The following CLDN16 variants were observed in gnomAD, a reference collection of about 807,000 sequenced individuals.
CLDN16 encodes claudin-16.
Under a neutral mutation model 24.6 loss-of-function variants are expected in CLDN16, and 13 were observed. The observed-to-expected ratio is 0.53, with a 90% CI of 0.34 to 0.84. The LOEUF (loss-of-function observed/expected upper bound fraction) is 0.84, where lower values mean the gene tolerates loss of function less well. Ranked by LOEUF, CLDN16 falls within the 40% of genes least tolerant of loss-of-function variation. The pLI is 0.01. For missense variants in CLDN16, 298 were observed against 292.7 expected (o/e 1.02, Z -0.13); for synonymous variants, 116 against 106.7 (o/e 1.09, Z -0.54).
intron 1 of CLDN16, among the ~76,000 whole-genome samples, chr3:190,323,017 C>CACACACACACAG (rs988850180): frequency 2.0e-5 from 3 of 149,750 alleles, no homozygotes; most frequent in Non-Finnish European, 4.4e-5. Context: ...CACACACACA[C>CACACACACACAG]ACACACACAC....
rs971803227 is a variant in CLDN16, at chr3:190,361,064, A to G, written n.122-9829A>G. ...GGAACTAATTCCTTCAATTTTATTT[A>G]TGTTAAAATGTCTTTATTTTAGCTT... is the stretch of plus-strand genomic sequence containing the variant. On this transcript the variant is annotated intron_variant and non_coding_transcript_variant, in intron 1 of 4. Transcript: ENST00000468220. Among the ~76,000 whole-genome samples, 52 of 151,990 alleles carry G rather than the reference A, an allele frequency of 3.4e-4. 1 individual carries two copies. The highest frequency in any genetic ancestry group is 1.5e-4 in the Non-Finnish European group (10 of 67,926).
Position 190,388,196 on chromosome 3 carries a change from G to A in CLDN16, c.-134G>A, listed in dbSNP as rs145475632. On this transcript the variant is annotated 5_prime_UTR_variant, in exon 1 of 5. Coordinates refer to ENST00000264734, the MANE Select transcript of CLDN16 (RefSeq NM_006580.4). ...TGCAACTCAAGACACCTGCAGCAGG[G>A]CGTGAGAAAAAGTAAAAGACCAGTA... The A allele has an allele frequency of 9.9e-5, 159 of 1,614,066 alleles. No homozygotes were observed. The African/African-American group carries it at 1.9e-3, about 20-fold the overall frequency.
rs769934589 is a variant in CLDN16, at chr3:190,410,907, T to C, written c.*871T>C. On this transcript the variant is annotated 3_prime_UTR_variant, in exon 5 of 5. Transcript: ENST00000264734. The stretch of plus-strand genomic sequence containing the variant: ...AGCACCAAGCAATATATTAGACATA[T>C]GGCAAAATTCAACAAATATATTTTG... 1 of 152,212 alleles carries C rather than the reference T, an allele frequency of 6.6e-6. No homozygotes were observed. The highest frequency in any genetic ancestry group is 2.4e-5 in the African/African-American group (1 of 41,440). The allele number at this position is 152,212 out of a possible 1,614,324, so 9.4% of individuals were successfully genotyped here.
At chr3:190,393,960 C>T (rs1718751037) in intron 1 of CLDN16, among the ~76,000 whole-genome samples, 1 of 151,942 alleles carries the variant, frequency 6.6e-6, no homozygotes, top group South Asian at 2.1e-4. Context: ...ACCATATTGG[C>T]CAGGCTCGTC....
chr3:190,363,596 A>ATATATT (rs1460049752), intron 1 of CLDN16, among the ~76,000 whole-genome samples: 10 of 131,174 alleles, frequency 7.6e-5, no homozygotes, highest in Non-Finnish European at 3.3e-5. Flanking sequence ...ATATATATAT[A>ATATATT]TTTTCTTTCT....
Position 190,410,260 on chromosome 3 carries a change from C to G in CLDN16, c.*224C>G. 1.9e-6 allele frequency: 1 copy of G among 537,458 alleles called. No homozygotes were observed. The highest frequency in any genetic ancestry group is 3.3e-6 in the Non-Finnish European group (1 of 301,714). The allele number at this position is 537,458 out of a possible 1,614,324, so 33.3% of individuals were successfully genotyped here. The stretch of plus-strand genomic sequence containing the variant: ...CCTTCCACCTTATGCACACACTTTC[C>G]CTATATTTTAAGATAAGTCTGCTAG... On this transcript the variant is annotated 3_prime_UTR_variant, in exon 5 of 5. Transcript: ENST00000264734.
At chr3:190,297,160 A>G in the CLDN16 span, among the ~76,000 whole-genome samples, 1 of 119,452 alleles carries the variant, frequency 8.4e-6, no homozygotes, top group Non-Finnish European at 1.7e-5. Context: ...CATTTCAGTA[A>G]AATTGCTTTG....
chr3:190,335,429 T>C (rs912067164), intron 1 of CLDN16, among the ~76,000 whole-genome samples: 1 of 151,678 alleles, frequency 6.6e-6, no homozygotes, highest in African/African-American at 2.4e-5. Context: ...TAAAGGTTTA[T>C]CCTGGCTGGG....
chr3:190,391,496 G>T (rs1037810844), intron 1 of CLDN16, among the ~76,000 whole-genome samples: 1 of 152,086 alleles, frequency 6.6e-6, no homozygotes, highest in Non-Finnish European at 1.5e-5. Flanking sequence ...GAAAATATGC[G>T]ATGATTACTT....
chr3:190,298,647 G>T, the CLDN16 span, among the ~76,000 whole-genome samples: 1 of 151,934 alleles, frequency 6.6e-6, no homozygotes, highest in Admixed American at 6.6e-5. Flanking sequence ...TAGAAACAGG[G>T]TTTCTCCATG....
the CLDN16 span, among the ~76,000 whole-genome samples, chr3:190,298,874 T>A: frequency 6.6e-6 from 1 of 152,212 alleles, no homozygotes; most frequent in Admixed American, 6.5e-5. Flanking sequence ...CCAGTGAAAA[T>A]TTTAAAGGTT....
At chr3:190,304,184 T>C in the CLDN16 span, among the ~76,000 whole-genome samples, 1 of 152,184 alleles carries the variant, frequency 6.6e-6, no homozygotes, top group South Asian at 2.1e-4. Context: ...TAACATGCTG[T>C]TATGGCTAAG....
chr3:190,303,806 G>A, the CLDN16 span, among the ~76,000 whole-genome samples: 1 of 152,060 alleles, frequency 6.6e-6, no homozygotes, highest in Non-Finnish European at 1.5e-5. Context: ...ATAGAGAAAG[G>A]CAAGAAAGAA....
chr3:190,340,485 A>T (rs1368384310), intron 1 of CLDN16, among the ~76,000 whole-genome samples: 1 of 152,158 alleles, frequency 6.6e-6, no homozygotes, highest in Non-Finnish European at 1.5e-5. Flanking sequence ...AGTCTTACTC[A>T]CTAACATGAG....
chr3:190,393,836 CA>C (rs1446988258), intron 1 of CLDN16, among the ~76,000 whole-genome samples: 1 of 150,992 alleles, frequency 6.6e-6, no homozygotes. Context: ...CTGCAGCCTC[CA>C]CCTCCTGAGT....
upstream of CLDN16, among the ~76,000 whole-genome samples, chr3:190,320,288 G>C (rs1456982284): frequency 6.6e-6 from 1 of 152,188 alleles, no homozygotes; most frequent in Non-Finnish European, 1.5e-5. Context: ...ATTTTGATCA[G>C]AGGAATAAAA....
chr3:190,409,351 A>ATG (rs1473085960), intron 4 of CLDN16, among the ~76,000 whole-genome samples: 1 of 151,792 alleles, frequency 6.6e-6, no homozygotes, highest in Non-Finnish European at 1.5e-5. Context: ...TTATACATAT[A>ATG]TGTGTGTCTA....
upstream of CLDN16, chr3:190,321,864 A>G (rs1716930957): frequency 2.6e-6 from 2 of 773,492 alleles, no homozygotes; most frequent in South Asian, 1.6e-5. Flanking sequence ...GCACATGATC[A>G]GAAGACTTGA....
chr3:190,333,576 A>G (rs779745701), intron 1 of CLDN16, among the ~76,000 whole-genome samples: 1 of 25,368 alleles, frequency 3.9e-5, no homozygotes, highest in Non-Finnish European at 7.9e-5. Context: ...CTATCTATCT[A>G]TCTATCAATC....
Sources: allele counts gnomAD v4.1 joint callset (sites outside exome capture counted in the v4.1 genomes callset), GRCh38; gene constraint gnomAD v4.1.1; transcripts MANE v1.5; gene names NCBI Gene and HGNC (gene_info 2026-07-23, HGNC 2026-07-21).